ACYP2: variants seen among roughly 807,000 people sequenced by gnomAD.
ACYP2 encodes acylphosphatase-2.
In ACYP2, 12 loss-of-function variants were observed where a neutral mutation model predicts 11.2. That is an observed-to-expected ratio of 1.08 (90% confidence interval 0.69 to 1.74). The LOEUF (loss-of-function observed/expected upper bound fraction) is 1.74, where lower values mean the gene tolerates loss of function less well. Among genes scored for constraint, ACYP2 ranks in the 40% most tolerant of loss-of-function variants. ACYP2 has a pLI of 0.00. For synonymous variants in ACYP2, 43 were observed against 32.2 expected, an observed-to-expected ratio of 1.33 and a Z score of -1.13; for missense variants, 134 against 101.9, an observed-to-expected ratio of 1.31 and a Z score of -1.35.
chr2:54,255,959 CG>C lies in ACYP2; in HGVS notation c.405-48726del, dbSNP rs748904862. 5.3e-5 allele frequency: 85 copies of C among 1,614,070 alleles called. No homozygotes were observed. The Middle Eastern group carries it at 8.2e-4, about 16-fold the overall frequency. ...ATGTGGAAAGTATGGCCACCATCTG[CG>C]GGATCCTGGGGCGCGACCCCCTCCT... On this transcript the variant is annotated intron_variant, in intron 6 of 6. Coordinates refer to ENST00000607452, the MANE Select transcript of ACYP2 (RefSeq NM_001320586.2).
chr2:54,209,982 A>T (rs1384710791), intron 6 of ACYP2, among the ~76,000 whole-genome samples: 1 of 152,052 alleles, frequency 6.6e-6, no homozygotes, highest in Non-Finnish European at 1.5e-5. Context: ...CTCTACTAAA[A>T]ATACAAAAAT....
At chr2:54,182,729 A>G (rs977311267) in intron 6 of ACYP2, among the ~76,000 whole-genome samples, 6 of 152,208 alleles carry the variant, frequency 3.9e-5, no homozygotes, top group African/African-American at 7.2e-5. Context: ...GCAAAGTCAC[A>G]TAACTGGCAG....
At chr2:54,082,731 G>T (rs1677732989) in intron 4 of ACYP2, 1 of 152,102 alleles carries the variant, frequency 6.6e-6, no homozygotes. Flanking sequence ...TTGAGTTATG[G>T]GCTGACATTC....
intron 2 of ACYP2, among the ~76,000 whole-genome samples, chr2:54,036,982 A>G (rs1231437412): frequency 6.6e-6 from 1 of 152,142 alleles, no homozygotes; most frequent in African/African-American, 2.4e-5. Context: ...GAGGACTTAG[A>G]GTTGTGTGAA....
chr2:54,299,826 C>T (rs1192526989), intron 6 of ACYP2, among the ~76,000 whole-genome samples: 2 of 152,158 alleles, frequency 1.3e-5, no homozygotes, highest in East Asian at 3.9e-4. Context: ...ACCCTGCTTG[C>T]AGGACAGGCA....
intron 2 of ACYP2, among the ~76,000 whole-genome samples, chr2:54,044,072 T>A (rs538812107): frequency 2.0e-5 from 3 of 152,034 alleles, no homozygotes; most frequent in Non-Finnish European, 4.4e-5. Context: ...AGAGACGAGA[T>A]CTCTCTTCTA....
chr2:54,213,289 T>C (rs981493676), intron 6 of ACYP2, among the ~76,000 whole-genome samples: 2 of 152,296 alleles, frequency 1.3e-5, no homozygotes, highest in East Asian at 1.9e-4. Context: ...TTTGTGGCTG[T>C]GTAGTATTCC....
chr2:54,283,916 A>T (rs1193394458), intron 6 of ACYP2, among the ~76,000 whole-genome samples: 2 of 152,162 alleles, frequency 1.3e-5, no homozygotes, highest in African/African-American at 4.8e-5. Context: ...GGAGTTCAAG[A>T]CCAGCCAGGC....
chr2:54,144,961 A>G (rs1681818926), intron 6 of ACYP2, among the ~76,000 whole-genome samples: 1 of 151,902 alleles, frequency 6.6e-6, no homozygotes, highest in Non-Finnish European at 1.5e-5. Context: ...CGTTGTTTTT[A>G]GTTTTTTAAA....
At chr2:54,190,706 A>G (rs893608428) in intron 6 of ACYP2, among the ~76,000 whole-genome samples, 1 of 151,840 alleles carries the variant, frequency 6.6e-6, no homozygotes, top group African/African-American at 2.4e-5. Flanking sequence ...CTACAGTTCC[A>G]TGGCTTTCAG....
In ACYP2 at chr2:54,115,258, T is replaced by C. The variant is rs566694554; in HGVS notation, c.278-20195T>C. ...GTAATCATTTCACAATGCATACATA[T>C]GTCAAAACATCACCTTGTACACCAC... On this transcript the variant is annotated intron_variant, in intron 4 of 6. Transcript: ENST00000607452. 7 of 364,804 alleles carry C rather than the reference T, an allele frequency of 1.9e-5. No individual in the cohort carries two copies. In the South Asian group the frequency reaches 3.3e-4, roughly 17 times the overall value. The allele number at this position is 364,804 out of a possible 1,614,324, so 22.6% of individuals were successfully genotyped here. A position where few individuals can be genotyped will look rare whatever the true frequency, so the allele number is the denominator to read the frequency against.
intron 4 of ACYP2, among the ~76,000 whole-genome samples, chr2:54,129,924 GAT>G (rs1680800077): frequency 6.7e-6 from 1 of 148,256 alleles, no homozygotes; most frequent in South Asian, 2.1e-4. Flanking sequence ...ATATAATAAA[GAT>G]ATATAAAAAT....
intron 2 of ACYP2, among the ~76,000 whole-genome samples, chr2:54,043,457 A>C (rs1438687241): frequency 6.6e-6 from 1 of 152,232 alleles, no homozygotes; most frequent in Non-Finnish European, 1.5e-5. Context: ...CATAGAACAA[A>C]GAAACTGTTC....
intron 2 of ACYP2, among the ~76,000 whole-genome samples, chr2:54,020,935 G>A (rs529272174): frequency 9.2e-5 from 14 of 152,158 alleles, no homozygotes; most frequent in African/African-American, 3.4e-4. Context: ...CAAAGAAATA[G>A]CACTGGAACA....
chr2:54,163,232 T>C (rs1682804004), intron 6 of ACYP2, among the ~76,000 whole-genome samples: 1 of 152,216 alleles, frequency 6.6e-6, no homozygotes, highest in Admixed American at 6.5e-5. Flanking sequence ...ATGTGAGTTA[T>C]CTGTGATTTA....
intron 4 of ACYP2, among the ~76,000 whole-genome samples, chr2:54,100,335 C>T (rs1678825960): frequency 7.1e-6 from 1 of 140,922 alleles, no homozygotes; most frequent in African/African-American, 2.7e-5. Context: ...CAAAGTCTTG[C>T]TCTGTTGCCT....
chr2:54,195,254 C>T (rs1266018028), intron 6 of ACYP2, among the ~76,000 whole-genome samples: 2 of 152,194 alleles, frequency 1.3e-5, no homozygotes, highest in Non-Finnish European at 1.5e-5. Flanking sequence ...AACCAATTTA[C>T]CTAGCTTCAT....
intron 6 of ACYP2, among the ~76,000 whole-genome samples, chr2:54,186,796 G>T (rs963850263): frequency 2.6e-5 from 4 of 152,092 alleles, no homozygotes; most frequent in African/African-American, 9.7e-5. Flanking sequence ...TTACAGGTGT[G>T]AGCCACCGTA....
At position 54,232,744 on chromosome 2, in the gene ACYP2, C is replaced by T. The variant is rs982376486; in HGVS notation, c.405-71944C>T. On this transcript the variant is annotated intron_variant, in intron 6 of 6. Coordinates refer to ENST00000607452, the MANE Select transcript of ACYP2 (RefSeq NM_001320586.2). ...GGAAAGCAAGGCATGTCTTACATGG[C>T]GGCAAGAGAGGGAGAGCAAAGGGGG... Among the ~76,000 whole-genome samples, 8 of 152,124 alleles carry T rather than the reference C, an allele frequency of 5.3e-5. No individual in the cohort carries two copies. In the South Asian group the frequency reaches 6.2e-4, roughly 12 times the overall value.
Sources: gnomAD v4.1 joint callset for allele counts (sites outside exome capture counted in the v4.1 genomes callset) on GRCh38, gnomAD v4.1.1 for gene constraint, MANE v1.5 for transcripts, NCBI Gene and HGNC (gene_info 2026-07-23, HGNC 2026-07-21) for gene names.